The following PGR variants were observed in gnomAD, a reference collection of about 807,000 sequenced individuals.
PGR encodes nuclear receptor subfamily 3 group C member 3.
Under a neutral mutation model 76.1 loss-of-function variants are expected in PGR, and 25 were observed. That is an observed-to-expected ratio of 0.33 (90% CI 0.24 to 0.46). PGR has a LOEUF of 0.46. Ranked by LOEUF, PGR falls within the 20% of genes least tolerant of loss-of-function variation. PGR has a pLI of 1.00. For synonymous variants in PGR, 579 were observed against 535.0 expected, an observed-to-expected ratio of 1.08 and a Z score of -1.14; for missense variants, 1,172 against 1,225.3, an observed-to-expected ratio of 0.96 and a Z score of 0.65.
At position 101,038,864 on chromosome 11, in the gene PGR, C is replaced by T. The variant is rs1859600172; in HGVS notation, c.*252G>A. 2.5e-6 allele frequency: 1 copy of T among 400,488 alleles called. No homozygotes were observed. The highest frequency in any genetic ancestry group is 4.5e-6 in the Non-Finnish European group (1 of 221,154). The allele number at this position is 400,488 out of a possible 1,614,324, so 24.8% of individuals were successfully genotyped here. A position where few individuals can be genotyped will look rare whatever the true frequency, so the allele number is the denominator to read the frequency against. On this transcript the variant is annotated 3_prime_UTR_variant, in exon 8 of 8. Coordinates refer to ENST00000325455, the MANE Select transcript of PGR (RefSeq NM_000926.4). ...ATATGGATAAGATAGTTTACTTTAA[C>T]AATTTTAGTACTTTTTCAATCTTGT... is the stretch of plus-strand genomic sequence containing the variant.
intron 2 of PGR, among the ~76,000 whole-genome samples, chr11:101,122,224 T>A (rs1250389375): frequency 6.6e-6 from 1 of 151,998 alleles, no homozygotes; most frequent in Non-Finnish European, 1.5e-5. Context: ...CTTAGCTTAG[T>A]GTCTTCTAAG....
intron 2 of PGR, among the ~76,000 whole-genome samples, chr11:101,119,242 G>T (rs1275529497): frequency 1.3e-5 from 2 of 152,140 alleles, no homozygotes; most frequent in African/African-American, 4.8e-5. Context: ...CCATGGACTG[G>T]CTGTGGTACC....
At chr11:101,092,580 G>T (rs1381501763) in intron 2 of PGR, among the ~76,000 whole-genome samples, 1 of 152,068 alleles carries the variant, frequency 6.6e-6, no homozygotes, top group Non-Finnish European at 1.5e-5. Flanking sequence ...CATCACCCTG[G>T]GGTCACTTTG....
chr11:101,065,515 G>C (rs1396575891), intron 3 of PGR, among the ~76,000 whole-genome samples: 1 of 151,830 alleles, frequency 6.6e-6, no homozygotes, highest in Non-Finnish European at 1.5e-5. Context: ...GAGAAAATAA[G>C]ACAATGGCAA....
chr11:101,042,992 TG>T (rs1393604648), intron 6 of PGR, among the ~76,000 whole-genome samples: 1 of 152,096 alleles, frequency 6.6e-6, no homozygotes, highest in African/African-American at 2.4e-5. Context: ...GCCAGGGTGG[TG>T]GTTGCTGAAG....
chr11:101,127,660 G>C lies in PGR; in HGVS notation c.1411C>G (p.Gln471Glu). Residue 471 changes from glutamine (Q) to glutamate (E), a missense_variant, in exon 1 of 8, where the codon CAG becomes GAG. Around this residue, in one of 4 missense-constraint regions of PGR, gnomAD observed 893 missense variants for 785.9 expected, o/e 1.14. Transcript: ENST00000325455. ...ILYKAEGAPP[Q>E]QGPFAPPPCK... ...GGCGGCGGCGCGAACGGGCCCTGCTGGGGCGGCGCGCCCTCCGCTTTGTAC... is the reference window on the plus strand; with the variant it reads ...GGCGGCGGCGCGAACGGGCCCTGCTCGGGCGGCGCGCCCTCCGCTTTGTAC... The C allele has an allele frequency of 6.5e-7, 1 of 1,529,608 alleles. No homozygotes were observed. Among genetic ancestry groups the C allele is most frequent in the African/African-American group, 1.4e-5 (1 of 71,674 alleles). 94.8% of individuals were successfully genotyped at this position (1,529,608 alleles called of 1,614,324 possible). A position where few individuals can be genotyped will look rare whatever the true frequency, so the allele number is the denominator to read the frequency against.
intron 3 of PGR, among the ~76,000 whole-genome samples, chr11:101,078,041 C>T (rs1358335503): frequency 6.6e-6 from 1 of 152,146 alleles, no homozygotes; most frequent in African/African-American, 2.4e-5. Flanking sequence ...AAGAATTTTG[C>T]AGTTCTTCCA....
intron 2 of PGR, among the ~76,000 whole-genome samples, chr11:101,108,517 T>A (rs1382433504): frequency 6.6e-6 from 1 of 152,222 alleles, no homozygotes; most frequent in Non-Finnish European, 1.5e-5. Flanking sequence ...TTAAACGACT[T>A]GACTACAATA....
At chr11:101,050,379 A>C (rs1006672248) in intron 5 of PGR, among the ~76,000 whole-genome samples, 5 of 152,172 alleles carry the variant, frequency 3.3e-5, no homozygotes, top group Non-Finnish European at 7.4e-5. Context: ...GCAGAGGTGT[A>C]GGAGTTGAGA....
chr11:101,124,482 C>T (rs1007329988), intron 2 of PGR, among the ~76,000 whole-genome samples: 1 of 152,128 alleles, frequency 6.6e-6, no homozygotes, highest in African/African-American at 2.4e-5. Flanking sequence ...CCTTTGGAAA[C>T]TCATATTTAT....
At chr11:101,063,929 T>G (rs1860605485) in intron 3 of PGR, 1 of 152,202 alleles carries the variant, frequency 6.6e-6, no homozygotes, top group African/African-American at 2.4e-5. Context: ...TTCTTAAGTC[T>G]TGTCACTCTA....
chr11:101,056,363 G>C (rs1009371041), intron 4 of PGR, among the ~76,000 whole-genome samples: 2 of 152,130 alleles, frequency 1.3e-5, no homozygotes, highest in African/African-American at 4.8e-5. Flanking sequence ...CCTGGGGCTG[G>C]GTGTGGTGGC....
intron 2 of PGR, among the ~76,000 whole-genome samples, chr11:101,122,768 T>A (rs914425985): frequency 1.3e-5 from 2 of 152,180 alleles, no homozygotes; most frequent in Non-Finnish European, 2.9e-5. Flanking sequence ...TCATCCAGAA[T>A]GACTTTATAG....
chr11:101,119,437 C>T (rs1259969917), intron 2 of PGR, among the ~76,000 whole-genome samples: 4 of 151,552 alleles, frequency 2.6e-5, no homozygotes, highest in Non-Finnish European at 5.9e-5. Flanking sequence ...ATGTGATTTT[C>T]GGCTAATAAT....
At chr11:101,088,430 C>T (rs1237350541) in intron 3 of PGR, among the ~76,000 whole-genome samples, 2 of 152,140 alleles carry the variant, frequency 1.3e-5, no homozygotes, top group Non-Finnish European at 2.9e-5. Context: ...CTCCCAGGTT[C>T]ATGCCATTCT....
At chr11:101,046,111 AT>A (rs1431437301) in intron 6 of PGR, among the ~76,000 whole-genome samples, 5 of 134,124 alleles carry the variant, frequency 3.7e-5, no homozygotes, top group African/African-American at 3.1e-5. Flanking sequence ...TAATTTATTT[AT>A]TTTTATTTAT....
At chr11:101,079,120 G>A (rs896989156) in intron 3 of PGR, among the ~76,000 whole-genome samples, 2 of 151,974 alleles carry the variant, frequency 1.3e-5, no homozygotes, top group East Asian at 1.9e-4. Flanking sequence ...CACCACATAC[G>A]AAAATAAAAT....
At chr11:101,068,544 A>G (rs540282351) in intron 3 of PGR, among the ~76,000 whole-genome samples, 1 of 152,358 alleles carries the variant, frequency 6.6e-6, no homozygotes, top group Admixed American at 6.5e-5. Context: ...GAACCAAAAA[A>G]GAGCCTGTAT....
At chr11:101,050,431 C>T (rs1372321745) in intron 5 of PGR, among the ~76,000 whole-genome samples, 1 of 152,042 alleles carries the variant, frequency 6.6e-6, no homozygotes, top group Admixed American at 6.6e-5. Context: ...TATTTACTTA[C>T]AATTTATTTT....
Sources: allele counts gnomAD v4.1 joint callset (sites outside exome capture counted in the v4.1 genomes callset), GRCh38; gene constraint gnomAD v4.1.1; regional missense constraint gnomAD v4.1.1; transcripts MANE v1.5; gene names NCBI Gene and HGNC (gene_info 2026-07-23, HGNC 2026-07-21).